The following DDX43 variants were observed in gnomAD, a reference collection of about 807,000 sequenced individuals.
DDX43 encodes probable ATP-dependent RNA helicase DDX43.
Under a neutral mutation model 84.9 loss-of-function variants are expected in DDX43, and 50 were observed. That is an observed-to-expected ratio of 0.59 (90% confidence interval 0.47 to 0.75). DDX43 has a LOEUF of 0.75. Among genes scored for constraint, DDX43 ranks in the 30% least tolerant of loss-of-function variants. The probability of loss-of-function intolerance (pLI) is 0.00; values close to 1 mark genes in which losing one functional copy is unlikely to be tolerated. For missense variants in DDX43, 689 were observed against 798.6 expected, an observed-to-expected ratio of 0.86 and a Z score of 1.65; for synonymous variants, 291 against 266.3, an observed-to-expected ratio of 1.09 and a Z score of -0.90.
Position 73,405,113 on chromosome 6 carries a change from GA to G in DDX43, c.650+355del, listed in dbSNP as rs201272137. ...GAATTATTTCTCCAATAGTTGAATT[GA>G]AAAAAAAAAAAAGATCTAATCTTGT... On this transcript the variant is annotated intron_variant, in intron 5 of 16. Coordinates refer to ENST00000370336, the MANE Select transcript of DDX43 (RefSeq NM_018665.3). Among the ~76,000 whole-genome samples the G allele has an allele frequency of 7.9e-3, 1,056 of 134,288 alleles. 6 individuals are homozygous for G. The highest frequency in any genetic ancestry group is 0.021 in the African/African-American group (783 of 36,760). 88.1% of individuals were successfully genotyped at this position (134,288 alleles called of 152,430 possible).
In DDX43 at chr6:73,412,098, T is replaced by A. The variant is rs1312331410; in HGVS notation, c.1281-107T>A. On this transcript the variant is annotated intron_variant, in intron 10 of 16. Coordinates refer to ENST00000370336, the MANE Select transcript of DDX43 (RefSeq NM_018665.3). ...AAATTTGCCTTACTTATTGAAAAAA[T>A]AAGTACTAAATTTGTCTTTCATGAG... The A allele has an allele frequency of 3.5e-6, 3 of 861,656 alleles. No homozygotes were observed. The Admixed American group carries it at 7.7e-5, about 22-fold the overall frequency. The allele number at this position is 861,656 out of a possible 1,614,324, so 53.4% of individuals were successfully genotyped here. A position where few individuals can be genotyped will look rare whatever the true frequency, so the allele number is the denominator to read the frequency against.
chr6:73,406,677 A>G (rs183802356), intron 7 of DDX43, among the ~76,000 whole-genome samples, 195 bp downstream of exon 7: 255 of 152,350 alleles, frequency 1.7e-3, no homozygotes, highest in African/African-American at 5.8e-3. Flanking sequence ...GGCAATAGGT[A>G]ATATCTACCA....
chr6:73,409,460 T>TC, intron 10 of DDX43, 112 bp downstream of exon 10: 1 of 839,168 alleles, frequency 1.2e-6, no homozygotes, highest in Non-Finnish European at 2.0e-6. Flanking sequence ...TTGAAATCTT[T>TC]AGGTGAAAGA....
chr6:73,406,319 G>T (rs953743122), intron 6 of DDX43, 45 bp from the exon 7 acceptor site: 3 of 1,448,448 alleles, frequency 2.1e-6, no homozygotes, highest in Non-Finnish European at 2.9e-6. Context: ...ACTGCGCCCA[G>T]CAAAAGATGT....
chr6:73,414,529 A>T lies in DDX43; in HGVS notation c.1607-19A>T. The stretch of plus-strand genomic sequence containing the variant: ...TTTATACCAGAATGGTTCAGTGTTC[A>T]TTTGGCTTTACTTTTTAGGCAAAGT... On this transcript the variant is annotated intron_variant, in intron 13 of 16. Coordinates refer to ENST00000370336, the MANE Select transcript of DDX43 (RefSeq NM_018665.3). 1 of 1,605,488 alleles carries T rather than the reference A, an allele frequency of 6.2e-7. No individual in the cohort carries two copies.
intron 1 of DDX43, among the ~76,000 whole-genome samples, chr6:73,396,563 T>C (rs1769477992): frequency 6.6e-6 from 1 of 152,248 alleles, no homozygotes. Context: ...GGCACTGTGC[T>C]ACAGAGCACT....
chr6:73,408,151 C>A, intron 9 of DDX43, 50 bp downstream of exon 9: 1 of 1,592,262 alleles, frequency 6.3e-7, no homozygotes, highest in Non-Finnish European at 8.6e-7. Flanking sequence ...AATAACTGAA[C>A]TGGCCGGGCG....
Position 73,414,606 on chromosome 6 carries a change from C to T in DDX43, c.1665C>T (p.Asp555=), listed in dbSNP as rs555241829. The change falls in exon 14 of 17, where the codon GAC becomes GAT. Residue 555 remains aspartate, a synonymous_variant. Coordinates refer to ENST00000370336, the MANE Select transcript of DDX43 (RefSeq NM_018665.3). ...CCTCTAGAGGACTTGATGTCCATGA[C>T]GTTACACATGTCTATAATTTTGACT... ...DLASRGLDVH[D]VTHVYNFDFP... The T allele has an allele frequency of 9.9e-6, 16 of 1,613,012 alleles. No individual in the cohort carries two copies. Among genetic ancestry groups the T allele is most frequent in the African/African-American group, 8.0e-5 (6 of 74,982 alleles).
At position 73,405,736 on chromosome 6, in the gene DDX43, C is replaced by T. The variant is rs199587072; in HGVS notation, c.708C>T (p.Ile236=). 49 of 1,613,996 alleles carry T rather than the reference C, an allele frequency of 3.0e-5. No homozygotes were observed. The South Asian group carries it at 3.4e-4, about 11-fold the overall frequency. The change falls in exon 6 of 17, where the codon ATC becomes ATT. Residue 236 remains isoleucine (I), a synonymous_variant. Coordinates refer to ENST00000370336, the MANE Select transcript of DDX43 (RefSeq NM_018665.3). ...TGAAGGATGGGGAGAAACGACCTAT[C>T]CCCAATCCTACCTGCACATTTGATG... The part of the protein sequence containing the change: ...DDLKDGEKRP[I]PNPTCTFDDA...
chr6:73,415,505 G>T lies in DDX43; in HGVS notation c.1754G>T (p.Gly585Val). The change falls in exon 15 of 17, where the codon GGT becomes GTT. Residue 585 changes from glycine (G) to valine (V), a missense_variant. This residue lies in a region of DDX43 where 552 missense variants were observed against 692.7 expected (regional missense o/e 0.80). Coordinates refer to ENST00000370336, the MANE Select transcript of DDX43 (RefSeq NM_018665.3). ...IGRTGRAGRT[G>V]VSITTLTRND... ...TTTCCCCCACACTAAAGGAGGACTGGTGTTTCCATTACAACTTTGACTAGA... is the reference window on the plus strand; with the variant it reads ...TTTCCCCCACACTAAAGGAGGACTGTTGTTTCCATTACAACTTTGACTAGA... 6.2e-7 allele frequency: 1 copy of T among 1,611,940 alleles called. No individual in the cohort carries two copies. Among genetic ancestry groups the T allele is most frequent in the Non-Finnish European group, 8.5e-7 (1 of 1,178,372 alleles).
chr6:73,413,123 T>C (rs147333820), intron 11 of DDX43, among the ~76,000 whole-genome samples: 1 of 152,294 alleles, frequency 6.6e-6, no homozygotes, highest in East Asian at 1.9e-4. Flanking sequence ...ATAAGTCTGT[T>C]CCCTTTATGA....
intron 8 of DDX43, 115 bp from the exon 9 acceptor site, chr6:73,407,845 G>A (rs954745278): frequency 9.8e-7 from 1 of 1,016,766 alleles, no homozygotes; most frequent in Non-Finnish European, 1.5e-6. Context: ...TCTCAGAAAG[G>A]GGCAGATACC....
At position 73,404,727 on chromosome 6, in the gene DDX43, C is replaced by T; in HGVS notation, c.606C>T (p.Ser202=). The T allele has an allele frequency of 1.9e-6, 3 of 1,612,958 alleles. No homozygotes were observed. Among genetic ancestry groups the T allele is most frequent in the Middle Eastern group, 1.7e-4 (1 of 6,058 alleles). ...PPIKKNFYKE[S]TATSAMSKVE... ...TTAAGAAAAACTTTTATAAAGAGTC[C>T]ACTGCCACAAGTGCCATGTCAAAAG... The change falls in exon 5 of 17, where the codon TCC becomes TCT. Residue 202 remains serine (S), a synonymous_variant. Coordinates refer to ENST00000370336, the MANE Select transcript of DDX43 (RefSeq NM_018665.3).
chr6:73,397,816 T>A (rs564486331), intron 2 of DDX43, 72 bp downstream of exon 2: 31 of 1,377,962 alleles, frequency 2.2e-5, no homozygotes, highest in African/African-American at 2.1e-4. Flanking sequence ...ACTCTACTTT[T>A]CTTTTTAAGA....
At chr6:73,405,360 C>T (rs191500566) in intron 5 of DDX43, among the ~76,000 whole-genome samples, 1 of 152,296 alleles carries the variant, frequency 6.6e-6, no homozygotes, top group East Asian at 1.9e-4. Flanking sequence ...ATGTGTGGAA[C>T]ATCGTAGGCC....
intron 4 of DDX43, 118 bp from the exon 5 acceptor site, chr6:73,404,572 A>C (rs1341794879): frequency 1.2e-6 from 1 of 815,096 alleles, no homozygotes; most frequent in African/African-American, 1.7e-5. Flanking sequence ...AAAGTGTAGA[A>C]CTATCAAATG....
Position 73,417,415 on chromosome 6 carries a change from C to T in DDX43, c.*254C>T, listed in dbSNP as rs187616660. On this transcript the variant is annotated 3_prime_UTR_variant, in exon 17 of 17. Transcript: ENST00000370336. ...AATGTTTTTCTTTTAATCTTTTAAACTGTCTCCTGTAATTTTGCTGTATGT... is the reference window on the plus strand; with the variant it reads ...AATGTTTTTCTTTTAATCTTTTAAATTGTCTCCTGTAATTTTGCTGTATGT... The T allele has an allele frequency of 6.6e-6, 1 of 152,230 alleles. No homozygotes were observed. Among genetic ancestry groups the T allele is most frequent in the Admixed American group, 6.5e-5 (1 of 15,282 alleles). 9.4% of individuals were successfully genotyped at this position (152,230 alleles called of 1,614,324 possible).
At chr6:73,400,539 C>G (rs1339092474) in intron 3 of DDX43, among the ~76,000 whole-genome samples, 176 bp downstream of exon 3, 1 of 152,064 alleles carries the variant, frequency 6.6e-6, no homozygotes, top group East Asian at 1.9e-4. Context: ...ATTAAAATAC[C>G]AGAGCTCTAT....
chr6:73,395,579 A>C (rs1160869746), intron 1 of DDX43, among the ~76,000 whole-genome samples: 2 of 151,312 alleles, frequency 1.3e-5, no homozygotes, highest in African/African-American at 4.9e-5. Flanking sequence ...GCGCCACTGC[A>C]CTCCAGCCTA....
Sources: allele counts gnomAD v4.1 joint callset (sites outside exome capture counted in the v4.1 genomes callset), GRCh38; gene constraint gnomAD v4.1.1; regional missense constraint gnomAD v4.1.1; transcripts MANE v1.5; gene names NCBI Gene and HGNC (gene_info 2026-07-23, HGNC 2026-07-21).